The following TCP11L2 variants were observed in gnomAD, a reference collection of about 807,000 sequenced individuals.
The protein encoded by TCP11L2 is t-complex 11 like 2.
A neutral mutation model predicts 50.7 loss-of-function variants in TCP11L2; 39 were observed. The observed-to-expected ratio is 0.77, with a 90% CI of 0.60 to 1.01. TCP11L2 has a LOEUF of 1.01. Among genes scored for constraint, TCP11L2 ranks in the 50% least tolerant of loss-of-function variants. The probability of loss-of-function intolerance (pLI) is 0.00; values close to 1 mark genes in which losing one functional copy is unlikely to be tolerated. For synonymous variants in TCP11L2, 192 were observed against 219.3 expected, an observed-to-expected ratio of 0.88 and a Z score of 1.10; for missense variants, 612 against 614.7, an observed-to-expected ratio of 1.00 and a Z score of 0.05.
chr12:106,328,626 A>C (rs1253046408), intron 6 of TCP11L2, among the ~76,000 whole-genome samples: 1 of 152,218 alleles, frequency 6.6e-6, no homozygotes, highest in Non-Finnish European at 1.5e-5. Flanking sequence ...GATTAAACCA[A>C]GCTGCTACTT....
At chr12:106,332,375 G>T (rs551237327) in intron 6 of TCP11L2, among the ~76,000 whole-genome samples, 1 of 152,104 alleles carries the variant, frequency 6.6e-6, no homozygotes, top group Non-Finnish European at 1.5e-5. Context: ...AGCCTTATTT[G>T]TATAACCCCA....
chr12:106,341,981 T>A (rs2036104997), intron 9 of TCP11L2, among the ~76,000 whole-genome samples: 2 of 152,076 alleles, frequency 1.3e-5, no homozygotes, highest in African/African-American at 2.4e-5. Flanking sequence ...TAACACCTGA[T>A]GAGAGTAGGG....
intron 6 of TCP11L2, among the ~76,000 whole-genome samples, chr12:106,328,707 A>G (rs2035640875): frequency 6.6e-6 from 1 of 152,210 alleles, no homozygotes; most frequent in African/African-American, 2.4e-5. Flanking sequence ...ACAGAAACCA[A>G]CTCTAGCTGA....
At chr12:106,328,814 A>G (rs910935000) in intron 6 of TCP11L2, among the ~76,000 whole-genome samples, 12 of 152,174 alleles carry the variant, frequency 7.9e-5, no homozygotes, top group Non-Finnish European at 1.5e-5. Context: ...ACAAATCTGG[A>G]TAGGAAAAAC....
intron 3 of TCP11L2, 83 bp downstream of exon 3, chr12:106,314,576 TGAGAGA>T (rs71072670): frequency 0.074 from 20,677 of 279,174 alleles, 588 homozygotes; most frequent in African/African-American, 0.1. Flanking sequence ...TGTGTGTGTG[TGAGAGA>T]GAGAGAGAGA....
At chr12:106,341,623 A>G (rs561586882) in intron 9 of TCP11L2, among the ~76,000 whole-genome samples, 8 of 152,366 alleles carry the variant, frequency 5.3e-5, no homozygotes, top group Non-Finnish European at 1.2e-4. Flanking sequence ...GGCTTCTGGT[A>G]CAGCCTAATG....
intron 4 of TCP11L2, 61 bp downstream of exon 4, chr12:106,318,525 A>G (rs567497676): frequency 6.3e-7 from 1 of 1,597,676 alleles, no homozygotes; most frequent in Non-Finnish European, 8.6e-7. Context: ...GCTATAACAG[A>G]CTGGCATAGC....
Position 106,314,665 on chromosome 12 carries a change from G to A in TCP11L2, c.293+172G>A, listed in dbSNP as rs1592938333. Among the ~76,000 whole-genome samples, 1 of 151,166 alleles carries A rather than the reference G, an allele frequency of 6.6e-6. No homozygotes were observed. The highest frequency in any genetic ancestry group is 2.4e-5 in the African/African-American group (1 of 41,074). ...GGAAGTTCTTGTATAATATCCTCAG[G>A]GGTAAACATTTAGTTCTCTAACAAG... On this transcript the variant is annotated intron_variant, in intron 3 of 9. Coordinates refer to ENST00000299045, the MANE Select transcript of TCP11L2 (RefSeq NM_152772.3).
Position 106,335,777 on chromosome 12 carries a change from GTTAC to G in TCP11L2, c.914_917del (p.Tyr305Ter). On this transcript the variant is annotated frameshift_variant, in exon 7 of 10. Coordinates refer to ENST00000299045, the MANE Select transcript of TCP11L2 (RefSeq NM_152772.3). LOFTEE classifies it high-confidence loss of function. ...AGCCCTACTTTGGTGCTAAATAATA[GTTAC>G]TTGAAACTGTTACAGTGGGATTATC... 6.2e-7 allele frequency: 1 copy of G among 1,614,150 alleles called. No homozygotes were observed. Among genetic ancestry groups the G allele is most frequent in the Non-Finnish European group, 8.5e-7 (1 of 1,180,010 alleles).
At chr12:106,320,451 C>A (rs1327326962) in intron 4 of TCP11L2, among the ~76,000 whole-genome samples, 1 of 152,064 alleles carries the variant, frequency 6.6e-6, no homozygotes, top group Non-Finnish European at 1.5e-5. Context: ...CTGGGGCTGC[C>A]ATCTGTGTGG....
intron 6 of TCP11L2, among the ~76,000 whole-genome samples, chr12:106,333,769 A>C (rs2136784692): frequency 6.6e-6 from 1 of 152,310 alleles, no homozygotes; most frequent in East Asian, 1.9e-4. Flanking sequence ...AAGAATCTCA[A>C]GACTGTACAT....
chr12:106,320,533 T>A, intron 4 of TCP11L2, among the ~76,000 whole-genome samples: 1 of 152,290 alleles, frequency 6.6e-6, no homozygotes, highest in South Asian at 2.1e-4. Flanking sequence ...ATCCCAAAGA[T>A]GTGCATGTTA....
At chr12:106,332,107 G>C (rs932842311) in intron 6 of TCP11L2, among the ~76,000 whole-genome samples, 7 of 152,156 alleles carry the variant, frequency 4.6e-5, no homozygotes, top group African/African-American at 1.4e-4. Context: ...AGCTGGATGT[G>C]GTCGGTACAG....
chr12:106,319,724 T>C (rs2035267121), intron 4 of TCP11L2, among the ~76,000 whole-genome samples: 1 of 152,246 alleles, frequency 6.6e-6, no homozygotes, highest in African/African-American at 2.4e-5. Context: ...CTCCTGTTAT[T>C]CTTATTTATT....
At chr12:106,311,654 G>T (rs2034858407) in intron 2 of TCP11L2, among the ~76,000 whole-genome samples, 1 of 152,138 alleles carries the variant, frequency 6.6e-6, no homozygotes, top group Non-Finnish European at 1.5e-5. Context: ...AATCTAAAGG[G>T]TTTCATGTTG....
At chr12:106,325,143 T>A (rs1459637433) in intron 6 of TCP11L2, 1 of 152,212 alleles carries the variant, frequency 6.6e-6, no homozygotes, top group African/African-American at 2.4e-5. Flanking sequence ...CCCCATTTTA[T>A]GGGTGCGGAA....
chr12:106,318,577 C>T, intron 4 of TCP11L2, 113 bp downstream of exon 4: 1 of 1,344,288 alleles, frequency 7.4e-7, no homozygotes, highest in Non-Finnish European at 1.0e-6. Context: ...TCTCACAGTA[C>T]TGGAGGCTGG....
At chr12:106,335,056 A>G (rs925656265) in intron 6 of TCP11L2, among the ~76,000 whole-genome samples, 2 of 152,176 alleles carry the variant, frequency 1.3e-5, no homozygotes, top group Admixed American at 6.5e-5. Context: ...GTTTGTGGAC[A>G]TGTGCACGTG....
intron 9 of TCP11L2, among the ~76,000 whole-genome samples, 164 bp from the exon 10 acceptor site, chr12:106,346,122 G>A (rs1270295925): frequency 6.6e-6 from 1 of 152,202 alleles, no homozygotes; most frequent in Non-Finnish European, 1.5e-5. Context: ...CTCCAGCTTT[G>A]ATAGGAGGAA....
Sources: allele counts gnomAD v4.1 joint callset (sites outside exome capture counted in the v4.1 genomes callset), GRCh38; gene constraint gnomAD v4.1.1; transcripts MANE v1.5; gene names NCBI Gene and HGNC (gene_info 2026-07-23, HGNC 2026-07-21).